The following FBXW11 variants were observed in gnomAD, a reference collection of about 807,000 sequenced individuals.
The protein encoded by FBXW11 is F-box and WD repeat domain containing 11.
A neutral mutation model predicts 77.6 loss-of-function variants in FBXW11; 19 were observed. That is an observed-to-expected ratio of 0.24 (90% CI 0.17 to 0.36). The LOEUF (loss-of-function observed/expected upper bound fraction) is 0.36, where lower values mean the gene tolerates loss of function less well. Ranked by LOEUF, FBXW11 falls within the 10% of genes least tolerant of loss-of-function variation. The probability of loss-of-function intolerance (pLI) is 1.00; values close to 1 mark genes in which losing one functional copy is unlikely to be tolerated. For missense variants in FBXW11, 334 were observed against 704.2 expected, an observed-to-expected ratio of 0.47 and a Z score of 5.95; for synonymous variants, 235 against 249.4, an observed-to-expected ratio of 0.94 and a Z score of 0.54.
chr5:171,945,181 A>T (rs1762944125), intron 2 of FBXW11, among the ~76,000 whole-genome samples: 1 of 152,242 alleles, frequency 6.6e-6, no homozygotes, highest in African/African-American at 2.4e-5. Context: ...AGTGGAAAGC[A>T]GGAAGCTATT....
intron 2 of FBXW11, among the ~76,000 whole-genome samples, chr5:171,954,143 T>A (rs1026418620): frequency 6.6e-6 from 1 of 152,242 alleles, no homozygotes; most frequent in African/African-American, 2.4e-5. Context: ...TATTACATCA[T>A]GCTGCTGTGT....
intron 1 of FBXW11, among the ~76,000 whole-genome samples, chr5:171,983,391 C>A (rs1441180552): frequency 6.6e-6 from 1 of 152,074 alleles, no homozygotes; most frequent in African/African-American, 2.4e-5. Context: ...TTCTGTGAGC[C>A]TTTCCAGCAA....
chr5:171,946,192 T>C (rs780059677), intron 2 of FBXW11, among the ~76,000 whole-genome samples: 5 of 152,210 alleles, frequency 3.3e-5, no homozygotes, highest in Non-Finnish European at 5.9e-5. Flanking sequence ...ATGGCCTGTC[T>C]CATAACATTC....
chr5:171,965,361 C>T (rs1764127410), intron 1 of FBXW11, among the ~76,000 whole-genome samples: 1 of 151,916 alleles, frequency 6.6e-6, no homozygotes, highest in Admixed American at 6.6e-5. Flanking sequence ...CCTGTCTCTA[C>T]TAAAAATTAC....
intron 2 of FBXW11, among the ~76,000 whole-genome samples, chr5:171,932,258 C>A (rs934309834): frequency 6.6e-6 from 1 of 152,028 alleles, no homozygotes; most frequent in African/African-American, 2.4e-5. Context: ...AGTCACTTCA[C>A]CAGAAAAGAT....
intron 4 of FBXW11, among the ~76,000 whole-genome samples, chr5:171,905,592 C>CCT (rs1581179204): frequency 1.0e-5 from 1 of 98,982 alleles, no homozygotes. Flanking sequence ...AAAGCTAACC[C>CCT]CCCCCCCTTT....
chr5:171,870,598 C>A, intron 11 of FBXW11, 150 bp downstream of exon 11: 1 of 562,042 alleles, frequency 1.8e-6, no homozygotes, highest in Non-Finnish European at 3.2e-6. Context: ...AGTGTCCTCA[C>A]CTAAACAACA....
At chr5:171,961,609 T>A (rs920717518) in intron 1 of FBXW11, among the ~76,000 whole-genome samples, 28 of 152,030 alleles carry the variant, frequency 1.8e-4, no homozygotes, top group Admixed American at 1.6e-3. Flanking sequence ...TTCATCAACC[T>A]AAGAGCATTA....
intron 2 of FBXW11, among the ~76,000 whole-genome samples, 162 bp downstream of exon 2, chr5:171,957,435 G>A (rs1171678970): frequency 6.6e-6 from 1 of 152,178 alleles, no homozygotes; most frequent in African/African-American, 2.4e-5. Context: ...GGCCCCTCTT[G>A]GTACTAACTC....
chr5:171,971,974 G>A (rs954726357), intron 1 of FBXW11, among the ~76,000 whole-genome samples: 5 of 151,592 alleles, frequency 3.3e-5, no homozygotes, highest in Non-Finnish European at 7.4e-5. Context: ...GCTCACACCT[G>A]TAATCCCAGA....
chr5:171,976,665 C>A (rs570799807), intron 1 of FBXW11, among the ~76,000 whole-genome samples: 40 of 152,272 alleles, frequency 2.6e-4, no homozygotes, highest in African/African-American at 9.4e-4. Context: ...GCCCTTCCAT[C>A]TTCTGCTGGG....
chr5:171,934,798 A>G (rs1018326990), intron 2 of FBXW11, among the ~76,000 whole-genome samples: 1 of 152,136 alleles, frequency 6.6e-6, no homozygotes, highest in African/African-American at 2.4e-5. Flanking sequence ...AGTAGTTAAC[A>G]TGGAAAACAA....
intron 1 of FBXW11, among the ~76,000 whole-genome samples, chr5:171,969,924 C>T (rs1352039630): frequency 6.6e-6 from 1 of 152,158 alleles, no homozygotes; most frequent in Non-Finnish European, 1.5e-5. Context: ...AGGCTGGTCT[C>T]AAACTCCTGG....
chr5:171,921,957 T>A (rs1322163145), intron 2 of FBXW11, among the ~76,000 whole-genome samples: 3 of 151,814 alleles, frequency 2.0e-5, no homozygotes, highest in Non-Finnish European at 1.5e-5. Flanking sequence ...CAAGCTGATC[T>A]CAAACTCCCA....
At chr5:171,925,178 A>G (rs1021924688) in intron 2 of FBXW11, among the ~76,000 whole-genome samples, 20 of 152,160 alleles carry the variant, frequency 1.3e-4, no homozygotes, top group African/African-American at 4.8e-4. Context: ...CATATATATA[A>G]AAATTACCAC....
intron 1 of FBXW11, among the ~76,000 whole-genome samples, chr5:171,974,955 C>T (rs896700335): frequency 1.3e-5 from 2 of 151,956 alleles, no homozygotes; most frequent in Non-Finnish European, 2.9e-5. Flanking sequence ...CCACCACGCC[C>T]GGTTAATTTT....
chr5:171,961,807 C>T (rs762220276), intron 1 of FBXW11, among the ~76,000 whole-genome samples: 1 of 152,056 alleles, frequency 6.6e-6, no homozygotes, highest in Non-Finnish European at 1.5e-5. Context: ...CCACCATGCC[C>T]GGCTTATTTT....
intron 6 of FBXW11, among the ~76,000 whole-genome samples, chr5:171,893,421 CAAAAAAAAAAAAAAA>C (rs397999920): frequency 1.0e-4 from 4 of 39,854 alleles, no homozygotes; most frequent in Non-Finnish European, 1.8e-4. Flanking sequence ...ACTTCAAAAC[CAAAAAAAAAAAAAAA>C]AAAAAAAAAA....
chr5:171,942,913 T>C (rs549849677), intron 2 of FBXW11, among the ~76,000 whole-genome samples: 1 of 152,302 alleles, frequency 6.6e-6, no homozygotes, highest in East Asian at 1.9e-4. Flanking sequence ...CTCTACCAGA[T>C]GCCCTGGGCA....
Sources: gnomAD v4.1 joint callset for allele counts (sites outside exome capture counted in the v4.1 genomes callset) on GRCh38, gnomAD v4.1.1 for gene constraint, MANE v1.5 for transcripts, NCBI Gene and HGNC (gene_info 2026-07-23, HGNC 2026-07-21) for gene names.